The following ABTB2 variants were observed in gnomAD, a reference collection of about 807,000 sequenced individuals.
The protein encoded by ABTB2 is ankyrin repeat and BTB domain containing 2.
In ABTB2, 56 loss-of-function variants were observed where a neutral mutation model predicts 104.1. That is an observed-to-expected ratio of 0.54 (90% CI 0.43 to 0.67). The LOEUF is 0.67. ABTB2 is among the 30% of genes least tolerant of loss of function. The probability of loss-of-function intolerance (pLI) is 0.00; values close to 1 mark genes in which losing one functional copy is unlikely to be tolerated. For synonymous variants in ABTB2, 606 were observed against 608.2 expected, an observed-to-expected ratio of 1.00 and a Z score of 0.05; for missense variants, 1,279 against 1,407.7, an observed-to-expected ratio of 0.91 and a Z score of 1.46.
chr11:34,273,873 C>T (rs1267472369), intron 1 of ABTB2, among the ~76,000 whole-genome samples: 1 of 152,050 alleles, frequency 6.6e-6, no homozygotes, highest in East Asian at 1.9e-4. Context: ...TGATATTTGG[C>T]CGGGCGCGGT....
At chr11:34,168,179 C>G (rs902792237) in intron 5 of ABTB2, among the ~76,000 whole-genome samples, 187 bp from the exon 6 acceptor site, 1 of 152,208 alleles carries the variant, frequency 6.6e-6, no homozygotes, top group African/African-American at 2.4e-5. Context: ...AGTGGGGGCA[C>G]TGCCATGAGC....
intron 1 of ABTB2, among the ~76,000 whole-genome samples, chr11:34,232,339 A>G (rs935112800): frequency 6.6e-6 from 1 of 152,016 alleles, no homozygotes; most frequent in Admixed American, 6.6e-5. Context: ...AGCGCCAGCT[A>G]CTTGGGAGGC....
rs761546937 is a variant in ABTB2 at position 34,160,007 on chromosome 11, A to G, written c.2505T>C (p.Asp835=). The G allele has an allele frequency of 3.6e-5, 58 of 1,611,846 alleles. 2 individuals carry two copies. Among genetic ancestry groups the G allele is most frequent in the Non-Finnish European group, 6.8e-6 (8 of 1,178,478 alleles). ...TCTCCTTATTGTTCAAAAAGTGTGG[A>G]TCTGTGAAAAGCGGGGAGACAGAGG... ...EIRKTLPARL[D]PHFLNNKEMS... is the part of the protein sequence containing the mutation. The change falls in exon 13 of 17, where the codon GAT becomes GAC. Residue 835 remains aspartate (D), a splice_region_variant and synonymous_variant. Transcript: ENST00000435224.
chr11:34,163,061 G>A (rs1245164641), intron 9 of ABTB2, among the ~76,000 whole-genome samples: 1 of 152,186 alleles, frequency 6.6e-6, no homozygotes, highest in South Asian at 2.1e-4. Context: ...CATAGGCTTC[G>A]GGGCTGAGCG....
chr11:34,272,302 C>CAAAAAAAAAGAAAAA (rs1854324006), intron 1 of ABTB2, among the ~76,000 whole-genome samples: 1 of 80,782 alleles, frequency 1.2e-5, no homozygotes, highest in African/African-American at 3.8e-5. Context: ...CAGGAAGCTG[C>CAAAAAAAAAGAAAAA]AAAAAAAAAA....
chr11:34,193,418 G>A (rs7105325), intron 3 of ABTB2, among the ~76,000 whole-genome samples: 10,333 of 152,308 alleles, frequency 0.068, 447 homozygotes, highest in Non-Finnish European at 0.1. Flanking sequence ...CAAAGGCCAG[G>A]GCCCACCCAG....
At chr11:34,172,437 T>TATATAG (rs1554980694) in intron 4 of ABTB2, among the ~76,000 whole-genome samples, 3 of 92,504 alleles carry the variant, frequency 3.2e-5, no homozygotes, top group East Asian at 2.4e-4. Context: ...TGTGTGTGTA[T>TATATAG]ATAGATAGAT....
intron 1 of ABTB2, among the ~76,000 whole-genome samples, chr11:34,211,355 C>T (rs1234508071): frequency 2.6e-5 from 4 of 152,058 alleles, no homozygotes; most frequent in Admixed American, 1.3e-4. Context: ...GCAATCTGCC[C>T]GCCTCAGCTT....
intron 1 of ABTB2, among the ~76,000 whole-genome samples, chr11:34,241,126 TC>T (rs1265317479): frequency 1.3e-5 from 2 of 152,154 alleles, no homozygotes; most frequent in Non-Finnish European, 2.9e-5. Context: ...TGGTTTGAGT[TC>T]CAGTCTCAGC....
intron 1 of ABTB2, among the ~76,000 whole-genome samples, chr11:34,299,851 G>C (rs1407918622): frequency 2.0e-5 from 3 of 152,226 alleles, no homozygotes; most frequent in Non-Finnish European, 4.4e-5. Flanking sequence ...TGGCAGCCTT[G>C]CTCCACCACT....
At chr11:34,226,224 A>G (rs1853685015) in intron 1 of ABTB2, among the ~76,000 whole-genome samples, 2 of 151,104 alleles carry the variant, frequency 1.3e-5, no homozygotes, top group African/African-American at 4.9e-5. Flanking sequence ...AAAAAAAAAA[A>G]AAAGAAGCCA....
chr11:34,326,312 C>T (rs1182433802), intron 1 of ABTB2, among the ~76,000 whole-genome samples: 1 of 152,078 alleles, frequency 6.6e-6, no homozygotes, highest in African/African-American at 2.4e-5. Context: ...ATAATAGATA[C>T]ATTAAAACAG....
At chr11:34,265,429 G>A (rs544781934) in intron 1 of ABTB2, among the ~76,000 whole-genome samples, 2 of 152,296 alleles carry the variant, frequency 1.3e-5, no homozygotes, top group South Asian at 4.1e-4. Context: ...GGGAGGCCAA[G>A]GTGGGCAAAT....
intron 1 of ABTB2, among the ~76,000 whole-genome samples, chr11:34,215,956 A>T (rs1459918023): frequency 6.6e-6 from 1 of 152,212 alleles, no homozygotes; most frequent in African/African-American, 2.4e-5. Flanking sequence ...ATTTAAAAAA[A>T]AATTGTGATT....
rs188488203 is a variant in ABTB2, at chr11:34,353,105, T to C, written c.883+3596A>G. On this transcript the variant is annotated intron_variant, in intron 1 of 16. Transcript: ENST00000435224. ...AATAAAACAAAATAAATGGCAAAGG[T>C]AGGCTTCAAACTCTCATGGTGAATC... 4.8e-4 allele frequency among the ~76,000 whole-genome samples: 73 copies of C among 152,248 alleles called. 2 individuals carry two copies. Among genetic ancestry groups the C allele is most frequent in the Admixed American group, 3.5e-3 (53 of 15,296 alleles).
chr11:34,170,806 A>C, intron 5 of ABTB2, 100 bp downstream of exon 5: 1 of 1,452,390 alleles, frequency 6.9e-7, no homozygotes, highest in Non-Finnish European at 9.3e-7. Context: ...TACAGAGCTG[A>C]GCAAATCTCA....
rs1855476891 is a variant in ABTB2 at position 34,357,133 on chromosome 11, C to G, written c.451G>C (p.Ala151Pro). ...TGCACCTCAAAGCGGGTGCACTTGG[C>G]GTGCAGCACGCTCAGGCGCTGCGCC... ...REAQRLSVLH[A>P]KCTRFEVQSA... is the part of the protein sequence containing the mutation. Residue 151 changes from alanine (A) to proline (P), a missense_variant, in exon 1 of 17, where the codon GCC (alanine) becomes CCC (proline). By Grantham distance (27) the Ala-to-Pro change is conservative. Transcript: ENST00000435224. The G allele has an allele frequency of 6.7e-7, 1 of 1,503,322 alleles. No homozygotes were observed. The highest frequency in any genetic ancestry group is 1.3e-5 in the South Asian group (1 of 79,568). 93.1% of individuals were successfully genotyped at this position (1,503,322 alleles called of 1,614,324 possible). A position where few individuals can be genotyped will look rare whatever the true frequency, so the allele number is the denominator to read the frequency against.
intron 1 of ABTB2, among the ~76,000 whole-genome samples, chr11:34,301,898 G>A (rs1854711311): frequency 1.3e-5 from 2 of 152,166 alleles, no homozygotes; most frequent in African/African-American, 4.8e-5. Context: ...AAAGCAAAAG[G>A]ATCGCTTGTG....
chr11:34,155,674 G>T (rs1852615569), intron 14 of ABTB2, among the ~76,000 whole-genome samples: 1 of 152,246 alleles, frequency 6.6e-6, no homozygotes, highest in Non-Finnish European at 1.5e-5. Flanking sequence ...CAACTGTGGG[G>T]AGAGAAGTGG....
Sources: allele counts gnomAD v4.1 joint callset (sites outside exome capture counted in the v4.1 genomes callset), GRCh38; gene constraint gnomAD v4.1.1; transcripts MANE v1.5; gene names NCBI Gene and HGNC (gene_info 2026-07-23, HGNC 2026-07-21).